MIS18A: variants seen among roughly 807,000 people sequenced by gnomAD.
MIS18A encodes the protein MIS18 kinetochore protein A, also known as protein Mis18-alpha.
A neutral mutation model predicts 25.0 loss-of-function variants in MIS18A; 14 were observed. The ratio of observed to expected loss-of-function variants is 0.56; its 90% CI spans 0.37 to 0.88. The LOEUF (loss-of-function observed/expected upper bound fraction) is 0.88, where lower values mean the gene tolerates loss of function less well. Ranked by LOEUF, MIS18A falls within the 40% of genes least tolerant of loss-of-function variation. The probability of loss-of-function intolerance (pLI) is 0.00; values close to 1 mark genes in which losing one functional copy is unlikely to be tolerated. For missense variants in MIS18A, 292 were observed against 290.8 expected (o/e 1.00, Z -0.03); for synonymous variants, 134 against 118.6 (o/e 1.13, Z -0.84).
rs772708799 is a variant in MIS18A at position 32,278,818 on chromosome 21, C to T, written c.197G>A (p.Arg66Lys). Residue 66 changes from arginine to lysine, a missense_variant, in exon 1 of 5, where the codon AGG becomes AAG. Transcript: ENST00000290130. Reference sequence around the variant, plus strand: ...CGCCGCCTCCTCCTCCAGCTGCGCCCTCTCCATGTCGGCCACCGACGCGTC... The same window carrying T: ...CGCCGCCTCCTCCTCCAGCTGCGCCTTCTCCATGTCGGCCACCGACGCGTC... ...SEDASVADME[R>K]AQLEEEAAAA... The T allele has an allele frequency of 6.3e-7, 1 of 1,599,720 alleles. No individual in the cohort carries two copies.
chr21:32,258,838 A>T, the MIS18A span, among the ~76,000 whole-genome samples: 23 of 66,704 alleles, frequency 3.4e-4, 1 homozygote, highest in East Asian at 4.9e-3. Flanking sequence ...TCTGCATTTT[A>T]TTTATTTATT....
chr21:32,262,735 A>G, the MIS18A span, among the ~76,000 whole-genome samples: 1 of 152,220 alleles, frequency 6.6e-6, no homozygotes, highest in Non-Finnish European at 1.5e-5. Context: ...TCAGGGAAAA[A>G]AAGAGTTATA....
chr21:32,226,801 CA>C, the MIS18A span, among the ~76,000 whole-genome samples: 3 of 152,092 alleles, frequency 2.0e-5, no homozygotes, highest in African/African-American at 7.2e-5. Context: ...TTTTCTCAAG[CA>C]CACATGGGAT....
At chr21:32,277,467 T>G (rs2031836280) in intron 1 of MIS18A, among the ~76,000 whole-genome samples, 1 of 152,222 alleles carries the variant, frequency 6.6e-6, no homozygotes, top group African/African-American at 2.4e-5. Flanking sequence ...TTTTTTTTCT[T>G]TTTTGAGACG....
At chr21:32,207,529 G>A in the MIS18A span, among the ~76,000 whole-genome samples, 4 of 152,288 alleles carry the variant, frequency 2.6e-5, no homozygotes, top group East Asian at 7.7e-4. Flanking sequence ...CGCTTGCCAG[G>A]ATATCTGGCA....
At chr21:32,278,566 C>G in intron 1 of MIS18A, 115 bp downstream of exon 1, 3 of 1,147,616 alleles carry the variant, frequency 2.6e-6, no homozygotes, top group Non-Finnish European at 3.6e-6. Context: ...ACTTTTTGCT[C>G]TTAAAGTCCC....
At chr21:32,169,835 G>C in the MIS18A span, among the ~76,000 whole-genome samples, 1 of 151,994 alleles carries the variant, frequency 6.6e-6, no homozygotes, top group Non-Finnish European at 1.5e-5. Context: ...ATAAGCCCAG[G>C]AAAGTCACTA....
At chr21:32,203,757 C>T in the MIS18A span, among the ~76,000 whole-genome samples, 652 of 151,570 alleles carry the variant, frequency 4.3e-3, 5 homozygotes, top group African/African-American at 0.015. Flanking sequence ...GCTGGGACTA[C>T]AGGAACATGC....
chr21:32,179,730 T>C, the MIS18A span, among the ~76,000 whole-genome samples: 1 of 152,350 alleles, frequency 6.6e-6, no homozygotes, highest in East Asian at 1.9e-4. Flanking sequence ...TTCTATTAGA[T>C]AAATGAGGAG....
chr21:32,181,680 C>A, the MIS18A span, among the ~76,000 whole-genome samples: 1 of 152,086 alleles, frequency 6.6e-6, no homozygotes, highest in Non-Finnish European at 1.5e-5. Flanking sequence ...AGACATCTGG[C>A]CTCAATGATA....
the MIS18A span, among the ~76,000 whole-genome samples, chr21:32,159,539 C>T: frequency 1.3e-5 from 2 of 152,148 alleles, no homozygotes; most frequent in East Asian, 3.8e-4. Context: ...AAGAGTCAAA[C>T]TCTATAAAAT....
chr21:32,192,613 C>T, the MIS18A span, among the ~76,000 whole-genome samples: 39 of 152,302 alleles, frequency 2.6e-4, no homozygotes, highest in Admixed American at 7.8e-4. Flanking sequence ...AGCCTCTTGC[C>T]CTGACCCTGC....
the MIS18A span, among the ~76,000 whole-genome samples, chr21:32,181,699 G>A: frequency 2.0e-5 from 3 of 152,116 alleles, no homozygotes; most frequent in African/African-American, 7.2e-5. Flanking sequence ...TAGATGGCAG[G>A]GCAGAGGAGG....
chr21:32,241,641 G>T, the MIS18A span, among the ~76,000 whole-genome samples: 1 of 152,196 alleles, frequency 6.6e-6, no homozygotes, highest in Non-Finnish European at 1.5e-5. Flanking sequence ...CATCAGAGAA[G>T]GAACTAGGGC....
At chr21:32,200,704 C>T in the MIS18A span, among the ~76,000 whole-genome samples, 3 of 152,108 alleles carry the variant, frequency 2.0e-5, no homozygotes, top group Non-Finnish European at 4.4e-5. Context: ...TCCCAAAGTG[C>T]TTGGATTACA....
chr21:32,215,715 G>A, the MIS18A span, among the ~76,000 whole-genome samples: 8 of 152,172 alleles, frequency 5.3e-5, no homozygotes, highest in Non-Finnish European at 1.0e-4. Context: ...GAGAGGATCA[G>A]GAGGAGCCTC....
the MIS18A span, among the ~76,000 whole-genome samples, chr21:32,217,777 A>G: frequency 6.6e-6 from 1 of 152,164 alleles, no homozygotes; most frequent in Non-Finnish European, 1.5e-5. Flanking sequence ...ATCAGAATCC[A>G]TGGAATCGGG....
chr21:32,161,366 T>C, the MIS18A span, among the ~76,000 whole-genome samples: 3 of 152,330 alleles, frequency 2.0e-5, no homozygotes, highest in Admixed American at 2.0e-4. Context: ...TTTTATAAAA[T>C]GTCCCTCATT....
At chr21:32,244,246 G>C in the MIS18A span, among the ~76,000 whole-genome samples, 2 of 152,044 alleles carry the variant, frequency 1.3e-5, no homozygotes, top group Non-Finnish European at 2.9e-5. Context: ...TGGATTGCGC[G>C]GGGCCAGGGC....
Sources: allele counts gnomAD v4.1 joint callset (sites outside exome capture counted in the v4.1 genomes callset), GRCh38; gene constraint gnomAD v4.1.1; transcripts MANE v1.5; gene names NCBI Gene and HGNC (gene_info 2026-07-23, HGNC 2026-07-21).